The following DPEP1 variants were observed in gnomAD, a reference collection of about 807,000 sequenced individuals.
DPEP1 encodes dipeptidase 1.
DPEP1 carries 50 observed loss-of-function variants against 42.3 expected under a neutral mutation model. That is an observed-to-expected ratio of 1.18 (90% confidence interval 0.94 to 1.50). The LOEUF (loss-of-function observed/expected upper bound fraction) is 1.50. Ranked by LOEUF, DPEP1 falls within the 40% of genes most tolerant of loss-of-function variation. DPEP1 has a pLI of 0.00. For synonymous variants in DPEP1, 297 were observed against 234.0 expected (o/e 1.27, Z -2.46); for missense variants, 663 against 553.0 (o/e 1.20, Z -1.99).
intron 1 of DPEP1, among the ~76,000 whole-genome samples, chr16:89,617,423 A>G (rs1236443211): frequency 1.3e-5 from 2 of 152,176 alleles, no homozygotes; most frequent in Non-Finnish European, 2.9e-5. Context: ...ATGAGCTCTG[A>G]GGCTTGCGCA....
chr16:89,622,656 C>T (rs1243650701), intron 1 of DPEP1, among the ~76,000 whole-genome samples: 10 of 151,800 alleles, frequency 6.6e-5, no homozygotes, highest in African/African-American at 9.7e-5. Flanking sequence ...TGGTGGCGGG[C>T]ACCTGTAGTC....
At chr16:89,628,925 C>A (rs1261041681) in intron 1 of DPEP1, among the ~76,000 whole-genome samples, 1 of 151,990 alleles carries the variant, frequency 6.6e-6, no homozygotes, top group African/African-American at 2.4e-5. Context: ...CTCCCGGGTT[C>A]AAGTGATTCT....
At chr16:89,631,911 G>A (rs1251249773) in intron 2 of DPEP1, among the ~76,000 whole-genome samples, 2 of 152,112 alleles carry the variant, frequency 1.3e-5, no homozygotes, top group African/African-American at 4.8e-5. Context: ...GCAGAGGGTG[G>A]TCCCTGCATC....
At chr16:89,625,858 A>G (rs577975305) in intron 1 of DPEP1, among the ~76,000 whole-genome samples, 84 of 152,262 alleles carry the variant, frequency 5.5e-4, no homozygotes, top group Admixed American at 1.6e-3. Flanking sequence ...AGGCCGAGAA[A>G]TTGAACCAGC....
At position 89,635,967 on chromosome 16, in the gene DPEP1, G is replaced by T. The variant is rs752018188; in HGVS notation, c.164G>T (p.Arg55Met). 1 of 1,612,282 alleles carries T rather than the reference G, an allele frequency of 6.2e-7. No homozygotes were observed. The highest frequency in any genetic ancestry group is 1.1e-5 in the South Asian group (1 of 91,030). The stretch of plus-strand genomic sequence containing the variant: ...TTCAACAACCGGCTGCAGGACGAGA[G>T]GGCCAACCTGACCACCTTGGCCGGC... The part of the protein sequence containing the change: ...DMFNNRLQDE[R>M]ANLTTLAGTH... The change falls in exon 3 of 11, where the codon AGG becomes ATG. Residue 55 changes from arginine to methionine, a missense_variant. Arg to Met is a moderately conservative substitution (Grantham distance 91). Coordinates refer to ENST00000690203, the MANE Select transcript of DPEP1 (RefSeq NM_001389466.1).
intron 2 of DPEP1, among the ~76,000 whole-genome samples, chr16:89,634,377 C>G (rs75740760): frequency 8.5e-5 from 13 of 152,194 alleles, no homozygotes; most frequent in Non-Finnish European, 1.5e-4. Context: ...ATGAGCCACC[C>G]TGCCTGGCCT....
chr16:89,636,839 T>C, intron 5 of DPEP1, 27 bp from the exon 6 acceptor site: 1 of 1,612,022 alleles, frequency 6.2e-7, no homozygotes, highest in Non-Finnish European at 8.5e-7. Flanking sequence ...CGCTCACCTC[T>C]TGGGCACCTG....
At position 89,635,383 on chromosome 16, in the gene DPEP1, G is replaced by A. The variant is rs1229853513; in HGVS notation, c.105-525G>A. 3.9e-5 allele frequency among the ~76,000 whole-genome samples: 6 copies of A among 152,314 alleles called. No homozygotes were observed. In the East Asian group the frequency reaches 7.7e-4, roughly 20 times the overall value. Reference sequence around the variant, plus strand: ...CAGAGGCAGCAGAGAGGCCTGGGTAGCCCCCAAAGCCTGTACTCGACACCC... The same window carrying A: ...CAGAGGCAGCAGAGAGGCCTGGGTAACCCCCAAAGCCTGTACTCGACACCC... On this transcript the variant is annotated intron_variant, in intron 2 of 10. Coordinates refer to ENST00000690203, the MANE Select transcript of DPEP1 (RefSeq NM_001389466.1).
chr16:89,638,625 TA>T (rs1418541311), downstream of DPEP1, among the ~76,000 whole-genome samples: 1 of 150,784 alleles, frequency 6.6e-6, no homozygotes, highest in East Asian at 2.0e-4. Context: ...TAGGCTCCAG[TA>T]GTCACCTCCA....
rs1391805001 is a variant in DPEP1 at position 89,637,826 on chromosome 16, C to T, written c.930-10C>T. ...GTGTGGGGGCCCAGGTTCTCCTGGC[C>T]TCAACACAGGGTCCCTGAGGGGCTG... On this transcript the variant is annotated splice_polypyrimidine_tract_variant and intron_variant, in intron 9 of 10. Coordinates refer to ENST00000690203, the MANE Select transcript of DPEP1 (RefSeq NM_001389466.1). 16 of 1,612,670 alleles carry T rather than the reference C, an allele frequency of 9.9e-6. No homozygotes were observed. The highest frequency in any genetic ancestry group is 1.4e-5 in the Non-Finnish European group (16 of 1,179,848).
chr16:89,633,847 G>A (rs1451324816), intron 2 of DPEP1, among the ~76,000 whole-genome samples: 4 of 152,248 alleles, frequency 2.6e-5, no homozygotes, highest in Middle Eastern at 3.4e-3. Flanking sequence ...TCATCCCAGC[G>A]CACACCCTCA....
At chr16:89,637,122 G>A (rs2059691650) in intron 6 of DPEP1, 82 bp from the exon 7 acceptor site, 2 of 1,547,572 alleles carry the variant, frequency 1.3e-6, no homozygotes, top group African/African-American at 1.4e-5. Context: ...GAAGGATGAT[G>A]ACTCACATCT....
chr16:89,635,751 G>A (rs1242911412), intron 2 of DPEP1, among the ~76,000 whole-genome samples, 157 bp from the exon 3 acceptor site: 1 of 152,152 alleles, frequency 6.6e-6, no homozygotes, highest in South Asian at 2.1e-4. Flanking sequence ...GTGTGTTCAG[G>A]TGGCCGGTGA....
chr16:89,626,884 G>A (rs1276263314), intron 1 of DPEP1, among the ~76,000 whole-genome samples: 1 of 152,000 alleles, frequency 6.6e-6, no homozygotes, highest in Admixed American at 6.5e-5. Flanking sequence ...TTGGGAGGCC[G>A]AGGCGGGTGG....
rs763464277 is a variant in DPEP1, at chr16:89,636,925, C to G, written c.581C>G (p.Pro194Arg). Residue 194 changes from proline to arginine, a missense_variant, in exon 6 of 11, where the codon CCC (proline) becomes CGC (arginine). Transcript: ENST00000690203. ...DSEPQSQGLS[P>R]FGQRVVKELN... ...GAGCCCCAGAGCCAAGGCTTGTCAC[C>G]CTTTGGGCAGGTGAGTGGGGTGGGA... The G allele has an allele frequency of 3.7e-6, 6 of 1,612,374 alleles. No homozygotes were observed. In the African/African-American group the frequency reaches 8.0e-5, roughly 22 times the overall value.
chr16:89,637,984 T>A lies in DPEP1; in HGVS notation c.1065+13T>A. Reference sequence around the variant, plus strand: ...GGCTGTGGAACAGGTGAGGATGGGGTGGCCACCTGAGTCTCCCCCACCACC... The same window carrying A: ...GGCTGTGGAACAGGTGAGGATGGGGAGGCCACCTGAGTCTCCCCCACCACC... On this transcript the variant is annotated intron_variant, in intron 10 of 10. Transcript: ENST00000690203. The A allele has an allele frequency of 6.2e-7, 1 of 1,606,848 alleles. No individual in the cohort carries two copies. Among genetic ancestry groups the A allele is most frequent in the South Asian group, 1.1e-5 (1 of 90,362 alleles).
Position 89,624,103 on chromosome 16 carries a change from CAGG to C in DPEP1, c.-106-6197_-106-6195del, listed in dbSNP as rs143694373. On this transcript the variant is annotated intron_variant, in intron 1 of 10. Transcript: ENST00000690203. ...CTGATGAGGGCAGAATAAAGACAGACAGGAGGACTGGGGAGTGAATTCCTGCCG... is the reference window on the plus strand; with the variant it reads ...CTGATGAGGGCAGAATAAAGACAGACAGGACTGGGGAGTGAATTCCTGCCG... Among the ~76,000 whole-genome samples the C allele has an allele frequency of 8.3e-3, 1,271 of 152,248 alleles. 18 individuals are homozygous for C. Among genetic ancestry groups the C allele is most frequent in the African/African-American group, 0.029 (1,207 of 41,526 alleles).
chr16:89,614,580 G>A (rs1352722328), intron 1 of DPEP1, among the ~76,000 whole-genome samples: 1 of 152,166 alleles, frequency 6.6e-6, no homozygotes, highest in Non-Finnish European at 1.5e-5. Flanking sequence ...AGATCATGAG[G>A]TCAGGAGATC....
intron 1 of DPEP1, among the ~76,000 whole-genome samples, chr16:89,622,189 C>T (rs1409018964): frequency 6.6e-6 from 1 of 152,170 alleles, no homozygotes; most frequent in Non-Finnish European, 1.5e-5. Context: ...GGTCTCCTAG[C>T]AACGCTTCTC....
Sources: allele counts gnomAD v4.1 joint callset (sites outside exome capture counted in the v4.1 genomes callset), GRCh38; gene constraint gnomAD v4.1.1; transcripts MANE v1.5; gene names NCBI Gene and HGNC (gene_info 2026-07-23, HGNC 2026-07-21).